The following HTR4 variants were observed in gnomAD, a reference collection of about 807,000 sequenced individuals.
The protein encoded by HTR4 is 5-hydroxytryptamine receptor 4.
In HTR4, 16 loss-of-function variants were observed where a neutral mutation model predicts 36.8. The observed-to-expected ratio is 0.43, with a 90% CI of 0.29 to 0.66. The LOEUF (loss-of-function observed/expected upper bound fraction) is 0.66, where lower values mean the gene tolerates loss of function less well. HTR4 is among the 30% of genes least tolerant of loss of function. The probability of loss-of-function intolerance (pLI) is 0.13; values close to 1 mark genes in which losing one functional copy is unlikely to be tolerated. For synonymous variants in HTR4, 189 were observed against 185.1 expected (o/e 1.02, Z -0.17); for missense variants, 438 against 490.9 (o/e 0.89, Z 1.02).
At chr5:148,523,605 A>G (rs1758129154) in intron 4 of HTR4, among the ~76,000 whole-genome samples, 1 of 152,160 alleles carries the variant, frequency 6.6e-6, no homozygotes, top group African/African-American at 2.4e-5. Context: ...AACAGAGGAA[A>G]GGAAAAGTGA....
At chr5:148,615,940 G>A (rs916831350) in intron 2 of HTR4, among the ~76,000 whole-genome samples, 24 of 152,202 alleles carry the variant, frequency 1.6e-4, no homozygotes, top group Non-Finnish European at 3.4e-4. Flanking sequence ...GATACAGTTC[G>A]GGCAGTCTCT....
At chr5:148,618,491 T>C (rs921027807) in intron 2 of HTR4, among the ~76,000 whole-genome samples, 1 of 152,212 alleles carries the variant, frequency 6.6e-6, no homozygotes, top group Non-Finnish European at 1.5e-5. Context: ...AATCACCATA[T>C]TTCTTCATCT....
At chr5:148,520,913 C>T (rs1180500960) in intron 5 of HTR4, 1 of 1,367,664 alleles carries the variant, frequency 7.3e-7, no homozygotes, top group Non-Finnish European at 9.8e-7. Context: ...AATACTTGTT[C>T]TGACATACCG....
chr5:148,620,738 A>G (rs1380839407), intron 2 of HTR4, among the ~76,000 whole-genome samples: 2 of 152,200 alleles, frequency 1.3e-5, no homozygotes, highest in Non-Finnish European at 2.9e-5. Flanking sequence ...GGTCTGCATT[A>G]TATTTCTATT....
In HTR4 at chr5:148,521,407, GC is replaced by G. The variant is rs563747725; in HGVS notation, c.507+1785del. ...GTGAACCTCATGCAATCCATTGAAG[GC>G]TTGAATAGGAGGGAACTCATGCTGC... On this transcript the variant is annotated intron_variant, in intron 5 of 6. Coordinates refer to ENST00000377888, the MANE Select transcript of HTR4 (RefSeq NM_000870.7). 1.2e-3 allele frequency among the ~76,000 whole-genome samples: 190 copies of G among 152,096 alleles called. 4 individuals carry two copies. Among genetic ancestry groups the G allele is most frequent in the Admixed American group, 6.6e-4 (10 of 15,262 alleles).
chr5:148,569,834 A>G (rs964468633), intron 2 of HTR4, among the ~76,000 whole-genome samples: 2 of 152,068 alleles, frequency 1.3e-5, no homozygotes, highest in African/African-American at 2.4e-5. Context: ...TGCACACCCA[A>G]TTGTTAATCA....
intron 2 of HTR4, among the ~76,000 whole-genome samples, chr5:148,591,573 T>C (rs1025250851): frequency 2.0e-5 from 3 of 152,166 alleles, no homozygotes; most frequent in Non-Finnish European, 2.9e-5. Context: ...TATTTCTAGG[T>C]ATTTTATTCT....
intron 4 of HTR4, among the ~76,000 whole-genome samples, chr5:148,534,418 C>T (rs1384380895): frequency 6.6e-6 from 1 of 152,202 alleles, no homozygotes; most frequent in Non-Finnish European, 1.5e-5. Flanking sequence ...AAGTGGGTAC[C>T]TGTTCCCATA....
chr5:148,564,037 A>G (rs954204131), intron 2 of HTR4, among the ~76,000 whole-genome samples: 4 of 152,214 alleles, frequency 2.6e-5, no homozygotes, highest in African/African-American at 9.6e-5. Flanking sequence ...TCTTCCCCCA[A>G]AAGAAATTAG....
chr5:148,523,061 T>G, intron 5 of HTR4, 132 bp downstream of exon 5: 1 of 892,002 alleles, frequency 1.1e-6, no homozygotes. Context: ...AGTGTTAGCT[T>G]TAAAAAAAAA....
At chr5:148,530,946 C>A (rs942776692) in intron 4 of HTR4, among the ~76,000 whole-genome samples, 2 of 152,216 alleles carry the variant, frequency 1.3e-5, no homozygotes, top group African/African-American at 4.8e-5. Context: ...TTCAGACTTG[C>A]ATGGGGCCTG....
At position 148,523,331 on chromosome 5, in the gene HTR4, G is replaced by C. The variant is rs750569562; in HGVS notation, c.369C>G (p.Cys123Trp). ...TGTTCCTATAGACCAAAGGCTGGCAGCAGATGGCGTAATACCTGGAGAGAG... is the reference window on the plus strand; with the variant it reads ...TGTTCCTATAGACCAAAGGCTGGCACCAGATGGCGTAATACCTGGAGAGAG... ...CISLDRYYAI[C>W]CQPLVYRNKM... The change falls in exon 5 of 7, where the codon TGC becomes TGG. Residue 123 changes from cysteine to tryptophan, a missense_variant. Transcript: ENST00000377888. 1.2e-6 allele frequency: 2 copies of C among 1,610,010 alleles called. No homozygotes were observed. The highest frequency in any genetic ancestry group is 8.5e-7 in the Non-Finnish European group (1 of 1,178,454).
chr5:148,548,870 T>C lies in HTR4; in HGVS notation c.153-2A>G. The C allele has an allele frequency of 6.2e-7, 1 of 1,611,412 alleles. No homozygotes were observed. Among genetic ancestry groups the C allele is most frequent in the Non-Finnish European group, 8.5e-7 (1 of 1,178,414 alleles). On this transcript the variant is annotated splice_acceptor_variant, in intron 3 of 6. Coordinates refer to ENST00000377888, the MANE Select transcript of HTR4 (RefSeq NM_000870.7). LOFTEE classifies it high-confidence loss of function. ...ATGAAATAATTTGTTTTTATTTTCC[T>C]GTGAGTGAAAAAGTGTAAGAGAGGA... is the stretch of plus-strand genomic sequence containing the variant.
chr5:148,526,833 T>C (rs181216739), intron 4 of HTR4, among the ~76,000 whole-genome samples: 112 of 152,138 alleles, frequency 7.4e-4, no homozygotes, highest in African/African-American at 2.6e-3. Flanking sequence ...ATTGATCTCA[T>C]GGAGGTAAAG....
In HTR4 at chr5:148,481,687, G is replaced by A; in HGVS notation, c.*1516C>T. The A allele has an allele frequency of 2.0e-6, 3 of 1,477,946 alleles. No homozygotes were observed. The highest frequency in any genetic ancestry group is 1.9e-4 in the Middle Eastern group (1 of 5,154). 91.6% of individuals were successfully genotyped at this position (1,477,946 alleles called of 1,614,324 possible). ...CACCTTATAAGCAATAAGAAAAAAA[G>A]AGAATATGATAAATAATCCTGAGAT... On this transcript the variant is annotated 3_prime_UTR_variant, in exon 7 of 7. Transcript: ENST00000377888.
At chr5:148,567,772 C>T (rs756339579) in intron 2 of HTR4, among the ~76,000 whole-genome samples, 1 of 152,120 alleles carries the variant, frequency 6.6e-6, no homozygotes. Flanking sequence ...AGAGCATTTT[C>T]CTGACTATTC....
intron 4 of HTR4, among the ~76,000 whole-genome samples, chr5:148,536,275 C>T (rs1273234597): frequency 6.6e-6 from 1 of 151,980 alleles, no homozygotes; most frequent in Admixed American, 6.6e-5. Flanking sequence ...CCAGATTATA[C>T]AAAAACACAC....
At chr5:148,464,114 A>C (rs1324544283) in intron 5 of HTR4, among the ~76,000 whole-genome samples, 1 of 152,028 alleles carries the variant, frequency 6.6e-6, no homozygotes, top group Non-Finnish European at 1.5e-5. Flanking sequence ...CATAGAGCTA[A>C]ATATAAAATA....
Position 148,482,152 on chromosome 5 carries a change from G to T in HTR4, c.*1051C>A, listed in dbSNP as rs143510283. 5.4e-3 allele frequency: 5,313 copies of T among 985,772 alleles called. 12 individuals carry two copies. The highest frequency in any genetic ancestry group is 5.9e-3 in the Non-Finnish European group (4,924 of 830,252). 61.1% of individuals were successfully genotyped at this position (985,772 alleles called of 1,614,324 possible). ...CTGGCTTCAAGTACAGCATTGCCTC[G>T]GCATCCCCAGTGCTGCTGGATCCTG... On this transcript the variant is annotated 3_prime_UTR_variant, in exon 7 of 7. Transcript: ENST00000377888.
Sources: gnomAD v4.1 joint callset for allele counts (sites outside exome capture counted in the v4.1 genomes callset) on GRCh38, gnomAD v4.1.1 for gene constraint, MANE v1.5 for transcripts, NCBI Gene and HGNC (gene_info 2026-07-23, HGNC 2026-07-21) for gene names.